Variants in MEGF8 observed in about 807,000 individuals in gnomAD.
MEGF8 encodes the protein multiple epidermal growth factor-like domains protein 8.
In MEGF8, 156 loss-of-function variants were observed where a neutral mutation model predicts 302.9. The observed-to-expected ratio is 0.52, with a 90% CI of 0.45 to 0.59. The LOEUF is 0.59. MEGF8 is among the 20% of genes least tolerant of loss of function. The pLI is 0.00. For synonymous variants in MEGF8, 1,621 were observed against 1,660.5 expected, an observed-to-expected ratio of 0.98 and a Z score of 0.58; for missense variants, 3,345 against 3,964.5, an observed-to-expected ratio of 0.84 and a Z score of 4.20.
In MEGF8 at chr19:42,375,704, C is replaced by T; in HGVS notation, c.7467C>T (p.Ile2489=). Residue 2489 remains isoleucine, a synonymous_variant, in exon 42 of 42, where the codon ATC becomes ATT. Transcript: ENST00000251268. The surrounding 1 kb of genome is among the most constrained non-coding windows in gnomAD (Gnocchi z 7.1). ...AGCCCAAATTCACCAACGTGGACATCCGCCTGACGCTGGACGTGACCTTCG... is the reference window on the plus strand; with the variant it reads ...AGCCCAAATTCACCAACGTGGACATTCGCCTGACGCTGGACGTGACCTTCG... ...GVQPKFTNVD[I]RLTLDVTFGA... 6.2e-7 allele frequency: 1 copy of T among 1,611,194 alleles called. No homozygotes were observed.
Position 42,376,209 on chromosome 19 carries a change from T to G in MEGF8, c.7972T>G (p.Cys2658Gly), listed in dbSNP as rs772514096. ...LFVFFSVFFS[C>G]FFLFLSLCVL... ...TGTCTTCTTCTCCGTCTTCTTCTCCTGCTTCTTCCTCTTCCTCTCACTCTG... is the reference window on the plus strand; with the variant it reads ...TGTCTTCTTCTCCGTCTTCTTCTCCGGCTTCTTCCTCTTCCTCTCACTCTG... The change falls in exon 42 of 42, where the codon TGC (cysteine) becomes GGC (glycine). Residue 2658 changes from cysteine to glycine, a missense_variant. Physicochemically the swap from Cys to Gly is radical, Grantham distance 159. Transcript: ENST00000251268. This position sits in a 1 kb window ranked among gnomAD's most constrained non-coding sequence, Gnocchi z 8.2. 9 of 1,604,290 alleles carry G rather than the reference T, an allele frequency of 5.6e-6. No homozygotes were observed. The highest frequency in any genetic ancestry group is 6.8e-6 in the Non-Finnish European group (8 of 1,175,606).
Position 42,375,456 on chromosome 19 carries a change from G to T in MEGF8, c.7270-51G>T. ...TTCGTCACTGCTGCTTGGGGGACAG[G>T]CTGGCACCGCACTCAGCCCTGATGG... On this transcript the variant is annotated intron_variant, in intron 41 of 41. Transcript: ENST00000251268. This position sits in a 1 kb window ranked among gnomAD's most constrained non-coding sequence, Gnocchi z 7.1. 6.7e-7 allele frequency: 1 copy of T among 1,491,574 alleles called. No individual in the cohort carries two copies. The allele number at this position is 1,491,574 out of a possible 1,614,324, so 92.4% of individuals were successfully genotyped here. A position where few individuals can be genotyped will look rare whatever the true frequency, so the allele number is the denominator to read the frequency against.
At chr19:42,327,522 C>T (rs1457044074) in intron 1 of MEGF8, among the ~76,000 whole-genome samples, 1 of 152,158 alleles carries the variant, frequency 6.6e-6, no homozygotes, top group Non-Finnish European at 1.5e-5. Context: ...GAGGAAAGGC[C>T]CCAGCCCTAC....
At position 42,352,540 on chromosome 19, in the gene MEGF8, GGTCCCCTCCTGT is replaced by G; in HGVS notation, c.3350+86_3350+97del. ...GAGGGAGGAAGCCATCATGGCGCTG[GGTCCCCTCCTGT>G]GGAACCAGCATCCCCAGTTAGCCAG... is the stretch of plus-strand genomic sequence containing the variant. On this transcript the variant is annotated intron_variant, in intron 19 of 41. Coordinates refer to ENST00000251268, the MANE Select transcript of MEGF8 (RefSeq NM_001271938.2). This position sits in a 1 kb window ranked among gnomAD's most constrained non-coding sequence, Gnocchi z 4.4. 6.8e-7 allele frequency: 1 copy of G among 1,469,090 alleles called. No homozygotes were observed. The highest frequency in any genetic ancestry group is 2.5e-5 in the East Asian group (1 of 40,400). 91.0% of individuals were successfully genotyped at this position (1,469,090 alleles called of 1,614,324 possible).
At chr19:42,372,513 C>T (rs939155102) in intron 41 of MEGF8, among the ~76,000 whole-genome samples, 1 of 152,088 alleles carries the variant, frequency 6.6e-6, no homozygotes, top group African/African-American at 2.4e-5. Flanking sequence ...AGAGAAAGTC[C>T]CTTGCTCTCA....
At chr19:42,342,955 A>G (rs1450391681) in intron 8 of MEGF8, among the ~76,000 whole-genome samples, 1 of 152,112 alleles carries the variant, frequency 6.6e-6, no homozygotes, top group African/African-American at 2.4e-5. Context: ...ACCAGGGACA[A>G]CTCCACCTAA....
At chr19:42,364,836 G>C (rs1025066829) in intron 35 of MEGF8, among the ~76,000 whole-genome samples, 4 of 152,194 alleles carry the variant, frequency 2.6e-5, no homozygotes, top group African/African-American at 7.2e-5. Context: ...TGTCCCCTAG[G>C]GAGGTTGTAC....
In MEGF8 at chr19:42,353,564, G is replaced by A; in HGVS notation, c.3650G>A (p.Gly1217Glu). The change falls in exon 21 of 42, where the codon GGG (glycine) becomes GAG (glutamate). Residue 1217 changes from glycine to glutamate, a missense_variant. Physicochemically the swap from Gly to Glu is moderately conservative, Grantham distance 98. Transcript: ENST00000251268. This position sits in a 1 kb window ranked among gnomAD's most constrained non-coding sequence, Gnocchi z 6.1. ...CGGCCCTGCCAGTGCAACGGGCACG[G>A]GGACCCACGCCGTGGCCACTGCGAC... ...GCRPCQCNGHGDPRRGHCDNL... is the reference protein window; with the variant it reads ...GCRPCQCNGHEDPRRGHCDNL... 7 of 1,603,194 alleles carry A rather than the reference G, an allele frequency of 4.4e-6. No homozygotes were observed. In the Middle Eastern group the frequency reaches 6.6e-4, roughly 152 times the overall value.
intron 1 of MEGF8, among the ~76,000 whole-genome samples, chr19:42,327,543 T>C (rs530820434): frequency 6.6e-6 from 1 of 152,302 alleles, no homozygotes; most frequent in African/African-American, 2.4e-5. Context: ...CCTTCTGGGC[T>C]CCCAGTCAGT....
At chr19:42,366,183 T>C (rs1432393924) in intron 35 of MEGF8, among the ~76,000 whole-genome samples, 3 of 152,190 alleles carry the variant, frequency 2.0e-5, no homozygotes, top group Non-Finnish European at 4.4e-5. Context: ...GCTGCCTGAT[T>C]CTAACCATCC....
chr19:42,357,384 C>G lies in MEGF8; in HGVS notation c.4831-20C>G. Reference sequence around the variant, plus strand: ...CCTGACCTCTAGCCCCATCGGTGACCTTGCCCCTCCATCCCTCAGGCCCCC... The same window carrying G: ...CCTGACCTCTAGCCCCATCGGTGACGTTGCCCCTCCATCCCTCAGGCCCCC... On this transcript the variant is annotated intron_variant, in intron 27 of 41. Transcript: ENST00000251268. This position sits in a 1 kb window ranked among gnomAD's most constrained non-coding sequence, Gnocchi z 5.2. The G allele has an allele frequency of 6.2e-7, 1 of 1,610,106 alleles. No individual in the cohort carries two copies. Among genetic ancestry groups the G allele is most frequent in the Non-Finnish European group, 8.5e-7 (1 of 1,177,464 alleles).
rs200882423 is a variant in MEGF8 at position 42,368,444 on chromosome 19, C to G, written c.6274-11C>G. 11 of 1,591,528 alleles carry G rather than the reference C, an allele frequency of 6.9e-6. No individual in the cohort carries two copies. In the South Asian group the frequency reaches 1.1e-4, roughly 16 times the overall value. On this transcript the variant is annotated splice_polypyrimidine_tract_variant and intron_variant, in intron 35 of 41. Transcript: ENST00000251268. This position sits in a 1 kb window ranked among gnomAD's most constrained non-coding sequence, Gnocchi z 4.9. ...TCTTCCCTGCATCCCCATCCCCTCC[C>G]CCCCATACAGTGTCTGAGCCCTTCC...
At chr19:42,371,979 G>T (rs546882579) in intron 41 of MEGF8, among the ~76,000 whole-genome samples, 6 of 152,038 alleles carry the variant, frequency 3.9e-5, no homozygotes, top group Non-Finnish European at 7.4e-5. Context: ...AGCTACTTGG[G>T]AGGTGGAAGT....
chr19:42,360,928 CCT>C lies in MEGF8; in HGVS notation c.5644_5645del (p.Ser1882ThrfsTer2). 6.2e-7 allele frequency: 1 copy of C among 1,611,174 alleles called. No homozygotes were observed. The highest frequency in any genetic ancestry group is 8.5e-7 in the Non-Finnish European group (1 of 1,178,362). ...CCCCCTGACCCCTGCCGCCTGCTGT[CCT>C]CACCTGAAGCTTGTAACCAGTCTGG... is the stretch of plus-strand genomic sequence containing the variant. On this transcript the variant is annotated frameshift_variant, in exon 32 of 42. Coordinates refer to ENST00000251268, the MANE Select transcript of MEGF8 (RefSeq NM_001271938.2). LOFTEE classifies it high-confidence loss of function.
Position 42,353,543 on chromosome 19 carries a change from C to A in MEGF8, c.3629C>A (p.Pro1210His), listed in dbSNP as rs761313195. 8 of 1,606,078 alleles carry A rather than the reference C, an allele frequency of 5.0e-6. No individual in the cohort carries two copies. The highest frequency in any genetic ancestry group is 6.8e-6 in the Non-Finnish European group (8 of 1,176,918). The stretch of plus-strand genomic sequence containing the variant: ...GCCACAGGCTCTAGGGGCTGCCGGC[C>A]CTGCCAGTGCAACGGGCACGGGGAC... ...GNATGSRGCR[P>H]CQCNGHGDPR... The change falls in exon 21 of 42, where the codon CCC (proline) becomes CAC (histidine). Residue 1210 changes from proline to histidine, a missense_variant. Physicochemically the swap from Pro to His is moderately conservative, Grantham distance 77. Coordinates refer to ENST00000251268, the MANE Select transcript of MEGF8 (RefSeq NM_001271938.2). The surrounding 1 kb of genome is among the most constrained non-coding windows in gnomAD (Gnocchi z 6.1).
In MEGF8 at chr19:42,354,170, T is replaced by G. The variant is rs1385051248; in HGVS notation, c.4011+146T>G. 2.0e-6 allele frequency: 2 copies of G among 1,018,058 alleles called. No homozygotes were observed. The highest frequency in any genetic ancestry group is 5.3e-5 in the East Asian group (2 of 37,948). 63.1% of individuals were successfully genotyped at this position (1,018,058 alleles called of 1,614,324 possible). ...TTCAAAACCCAAACTCCTCCTCAGA[T>G]CCCCAGCACTTTGTTCCTAGGCCCA... On this transcript the variant is annotated intron_variant, in intron 22 of 41. Transcript: ENST00000251268. This position sits in a 1 kb window ranked among gnomAD's most constrained non-coding sequence, Gnocchi z 4.3.
rs777017134 is a variant in MEGF8, at chr19:42,350,337, C to T, written c.2689C>T (p.Leu897Phe). Residue 897 changes from leucine to phenylalanine, a missense_variant, in exon 15 of 42, where the codon CTC (leucine) becomes TTC (phenylalanine). Transcript: ENST00000251268. The part of the protein sequence containing the change: ...GGSLLVLVPT[L>F]CPLCEEHRDC... ...GTCCCTGCTGGTGCTGGTGCCTACC[C>T]TCTGCCCACTCTGCGAGGAGCATCG... 6.9e-6 allele frequency: 11 copies of T among 1,603,210 alleles called. No individual in the cohort carries two copies. Among genetic ancestry groups the T allele is most frequent in the East Asian group, 2.2e-5 (1 of 44,780 alleles).
rs749526205 is a variant in MEGF8, at chr19:42,326,386, C to T, written c.143C>T (p.Ala48Val). The T allele has an allele frequency of 7.0e-6, 11 of 1,580,928 alleles. No individual in the cohort carries two copies. The highest frequency in any genetic ancestry group is 1.7e-4 in the Middle Eastern group (1 of 6,002). Residue 48 changes from alanine (A) to valine (V), a missense_variant, in exon 1 of 42, where the codon GCG (alanine) becomes GTG (valine). Coordinates refer to ENST00000251268, the MANE Select transcript of MEGF8 (RefSeq NM_001271938.2). ...GCGCCAGGCTTCGTGACGGATGGTG[C>T]GGGCAACTACAGCGTCAATGGCAAC... ...REAPGFVTDG[A>V]GNYSVNGNCE...
intron 1 of MEGF8, among the ~76,000 whole-genome samples, chr19:42,331,676 C>T (rs553934359): frequency 1.4e-5 from 2 of 148,094 alleles, no homozygotes; most frequent in African/African-American, 5.0e-5. Flanking sequence ...TTCAAGAATT[C>T]TCCTGCCTCA....
Sources: gnomAD v4.1 joint callset for allele counts (sites outside exome capture counted in the v4.1 genomes callset) on GRCh38, gnomAD v4.1.1 for gene constraint, Gnocchi (gnomAD v3.1) non-coding constraint, MANE v1.5 for transcripts, NCBI Gene and HGNC (gene_info 2026-07-23, HGNC 2026-07-21) for gene names.